Variants in NCAM2 observed in about 807,000 individuals in gnomAD.
NCAM2 encodes the protein N-CAM-2.
In NCAM2, 30 loss-of-function variants were observed where a neutral mutation model predicts 98.1. That is an observed-to-expected ratio of 0.31 (90% CI 0.23 to 0.41). The LOEUF is 0.41. NCAM2 is among the 10% of genes least tolerant of loss of function. NCAM2 has a pLI of 1.00. For missense variants in NCAM2, 867 were observed against 1,005.8 expected (o/e 0.86, Z 1.87); for synonymous variants, 368 against 342.4 (o/e 1.07, Z -0.83).
At chr21:21,294,828 G>A (rs2073419552) in intron 5 of NCAM2, among the ~76,000 whole-genome samples, 1 of 149,778 alleles carries the variant, frequency 6.7e-6, no homozygotes, top group Non-Finnish European at 1.5e-5. Flanking sequence ...TTTTTTGAAA[G>A]TTTTCCCTTA....
At chr21:21,166,172 C>T (rs963334740) in intron 1 of NCAM2, among the ~76,000 whole-genome samples, 18 of 152,130 alleles carry the variant, frequency 1.2e-4, no homozygotes, top group Non-Finnish European at 1.3e-4. Context: ...TAACCTGGAG[C>T]GCCTTTAAGC....
chr21:21,170,723 T>C (rs960724200), intron 1 of NCAM2, among the ~76,000 whole-genome samples: 2 of 152,162 alleles, frequency 1.3e-5, no homozygotes, highest in Non-Finnish European at 2.9e-5. Context: ...CCATGGAATA[T>C]ATATTCTGAG....
At chr21:21,189,960 G>T (rs935262673) in intron 1 of NCAM2, among the ~76,000 whole-genome samples, 1 of 152,132 alleles carries the variant, frequency 6.6e-6, no homozygotes, top group South Asian at 2.1e-4. Flanking sequence ...CATGATAGAT[G>T]GGCAAGGTGG....
chr21:21,012,014 A>G (rs902597922), intron 1 of NCAM2, among the ~76,000 whole-genome samples: 5 of 152,148 alleles, frequency 3.3e-5, no homozygotes, highest in Non-Finnish European at 7.4e-5. Flanking sequence ...AGCTTCGTGC[A>G]TTGTTTTGGG....
intron 11 of NCAM2, among the ~76,000 whole-genome samples, chr21:21,430,572 G>A (rs1290198450): frequency 6.6e-6 from 1 of 151,956 alleles, no homozygotes; most frequent in African/African-American, 2.4e-5. Flanking sequence ...GCAGAACAGA[G>A]TGAGTGCCAG....
intron 1 of NCAM2, among the ~76,000 whole-genome samples, chr21:21,140,925 A>G (rs1439649313): frequency 6.6e-6 from 1 of 152,152 alleles, no homozygotes; most frequent in Non-Finnish European, 1.5e-5. Flanking sequence ...ACAACAGAGA[A>G]AAGGTAATTT....
intron 15 of NCAM2, among the ~76,000 whole-genome samples, chr21:21,496,620 G>T (rs1390789646): frequency 6.6e-6 from 1 of 151,954 alleles, no homozygotes; most frequent in African/African-American, 2.4e-5. Context: ...AGTTGAATTA[G>T]GTCCCACTTG....
intron 8 of NCAM2, among the ~76,000 whole-genome samples, chr21:21,343,352 T>TACACAC (rs1207234552): frequency 0.024 from 2,676 of 110,068 alleles, 50 homozygotes; most frequent in African/African-American, 0.035. Flanking sequence ...CAACTATCTA[T>TACACAC]ACACATACAC....
Position 21,542,300 on chromosome 21 carries a change from T to C in NCAM2, c.*4343T>C, listed in dbSNP as rs1357703966. The C allele has an allele frequency of 2.0e-5, 3 of 151,884 alleles. No homozygotes were observed. The South Asian group carries it at 6.2e-4, about 31-fold the overall frequency. The allele number at this position is 151,884 out of a possible 1,614,324, so 9.4% of individuals were successfully genotyped here. On this transcript the variant is annotated 3_prime_UTR_variant, in exon 18 of 18. Transcript: ENST00000400546. ...AGAATGCGAATAGATTAATTATATC[T>C]TCTCATATAAAGGCAAAGAATTTTA...
At chr21:21,168,387 G>A (rs1423946699) in intron 1 of NCAM2, among the ~76,000 whole-genome samples, 2 of 152,208 alleles carry the variant, frequency 1.3e-5, no homozygotes, top group South Asian at 2.1e-4. Flanking sequence ...TCGGGAGTAA[G>A]CTCAGGATAC....
chr21:21,267,282 G>C (rs944764836), intron 1 of NCAM2, among the ~76,000 whole-genome samples: 4 of 152,142 alleles, frequency 2.6e-5, no homozygotes, highest in African/African-American at 9.7e-5. Context: ...AATAAGCTTT[G>C]TTTAGTACAC....
At chr21:21,072,780 A>T (rs542024288) in intron 1 of NCAM2, among the ~76,000 whole-genome samples, 123 of 152,150 alleles carry the variant, frequency 8.1e-4, no homozygotes, top group Middle Eastern at 3.4e-3. Flanking sequence ...TATATTTACA[A>T]TTTTTTAAAG....
At chr21:21,079,743 A>G (rs543373995) in intron 1 of NCAM2, among the ~76,000 whole-genome samples, 1 of 152,248 alleles carries the variant, frequency 6.6e-6, no homozygotes, top group East Asian at 1.9e-4. Context: ...ATCTCCTTAA[A>G]AATATTGATA....
Position 21,174,831 on chromosome 21 carries a change from G to T in NCAM2, c.56-105747G>T, listed in dbSNP as rs1045680482. 5.9e-5 allele frequency among the ~76,000 whole-genome samples: 9 copies of T among 151,356 alleles called. No individual in the cohort carries two copies. In the South Asian group the frequency reaches 1.0e-3, roughly 18 times the overall value. On this transcript the variant is annotated intron_variant, in intron 1 of 17. Coordinates refer to ENST00000400546, the MANE Select transcript of NCAM2 (RefSeq NM_004540.5). ...CTTTAAATAGAAAGGCCAGGGAAGG[G>T]TTAACTGAGAGGATATGTTTTGAGC...
At chr21:21,495,634 A>G (rs935100438) in intron 15 of NCAM2, among the ~76,000 whole-genome samples, 6 of 152,054 alleles carry the variant, frequency 3.9e-5, no homozygotes, top group African/African-American at 1.4e-4. Flanking sequence ...CTTTAACAGC[A>G]TCCTTCACCA....
intron 12 of NCAM2, among the ~76,000 whole-genome samples, chr21:21,443,307 G>A (rs751816181): frequency 1.1e-4 from 16 of 152,098 alleles, no homozygotes; most frequent in Non-Finnish European, 2.2e-4. Flanking sequence ...GATAACATTA[G>A]GAGAAATACC....
Position 21,338,452 on chromosome 21 carries a change from T to C in NCAM2, c.962T>C (p.Val321Ala). The change falls in exon 8 of 18, where the codon GTA becomes GCA. Residue 321 changes from valine (V) to alanine (A), a missense_variant. Physicochemically the swap from Val to Ala is moderately conservative, Grantham distance 64. Coordinates refer to ENST00000400546, the MANE Select transcript of NCAM2 (RefSeq NM_004540.5). Reference sequence around the variant, plus strand: ...TATGAGAATGGTCAAGTCACACTCGTATGTGATGCGGAAGGGGAGCCTATT... The same window carrying C: ...TATGAGAATGGTCAAGTCACACTCGCATGTGATGCGGAAGGGGAGCCTATT... Reference protein sequence around the residue: ...TTYENGQVTLVCDAEGEPIPE... With the variant: ...TTYENGQVTLACDAEGEPIPE... The C allele has an allele frequency of 6.2e-7, 1 of 1,612,988 alleles. No individual in the cohort carries two copies. Among genetic ancestry groups the C allele is most frequent in the South Asian group, 1.1e-5 (1 of 91,040 alleles).
chr21:21,070,963 T>G (rs2065550034), intron 1 of NCAM2, among the ~76,000 whole-genome samples: 2 of 152,122 alleles, frequency 1.3e-5, no homozygotes, highest in Non-Finnish European at 2.9e-5. Flanking sequence ...ACAGTAACAT[T>G]AAACAGAAGG....
intron 1 of NCAM2, chr21:21,210,404 A>T: frequency 1.9e-6 from 1 of 513,508 alleles, no homozygotes; most frequent in Non-Finnish European, 2.5e-6. Context: ...AATTTATTTA[A>T]CAATTTTCAA....
Sources: gnomAD v4.1 joint callset for allele counts (sites outside exome capture counted in the v4.1 genomes callset) on GRCh38, gnomAD v4.1.1 for gene constraint, MANE v1.5 for transcripts, NCBI Gene and HGNC (gene_info 2026-07-23, HGNC 2026-07-21) for gene names.